Variants in DNAH14 observed in about 807,000 individuals in gnomAD.
DNAH14 encodes the protein axonemal beta dynein heavy chain 14.
A neutral mutation model predicts 520.9 loss-of-function variants in DNAH14; 478 were observed. That is an observed-to-expected ratio of 0.92 (90% confidence interval 0.85 to 0.99). DNAH14 has a LOEUF of 0.99. Ranked by LOEUF, DNAH14 falls within the 50% of genes least tolerant of loss-of-function variation. The pLI is 0.00. For missense variants in DNAH14, 4,831 were observed against 5,234.5 expected (o/e 0.92, Z 2.38); for synonymous variants, 1,581 against 1,757.2 (o/e 0.90, Z 2.51).
intron 38 of DNAH14, among the ~76,000 whole-genome samples, chr1:225,194,419 A>T (rs1185059895): frequency 6.6e-6 from 1 of 152,144 alleles, no homozygotes; most frequent in Non-Finnish European, 1.5e-5. Flanking sequence ...GTTTGAAAAA[A>T]TAAGCAGTGG....
intron 43 of DNAH14, among the ~76,000 whole-genome samples, chr1:225,247,770 T>C (rs769193842): frequency 1.3e-5 from 2 of 152,210 alleles, no homozygotes; most frequent in African/African-American, 2.4e-5. Flanking sequence ...CTCACGCCTG[T>C]AATCCCAGCA....
chr1:225,203,183 G>A (rs889997249), intron 38 of DNAH14, among the ~76,000 whole-genome samples: 1 of 152,140 alleles, frequency 6.6e-6, no homozygotes. Flanking sequence ...ATGCTTCTCT[G>A]TCCATCCAAG....
At chr1:225,328,667 C>T (rs1164719506) in intron 64 of DNAH14, among the ~76,000 whole-genome samples, 1 of 152,030 alleles carries the variant, frequency 6.6e-6, no homozygotes, top group Non-Finnish European at 1.5e-5. Flanking sequence ...CAGAACTTAT[C>T]AAATCACATG....
At chr1:225,088,794 A>G (rs1027986385) in intron 21 of DNAH14, among the ~76,000 whole-genome samples, 2 of 152,228 alleles carry the variant, frequency 1.3e-5, no homozygotes, top group African/African-American at 4.8e-5. Context: ...TATAAAATGT[A>G]AACTGGAATA....
At chr1:225,355,776 T>C (rs960209964) in intron 73 of DNAH14, among the ~76,000 whole-genome samples, 1 of 152,206 alleles carries the variant, frequency 6.6e-6, no homozygotes, top group African/African-American at 2.4e-5. Context: ...TTTTAACCCT[T>C]TAAGCATGCA....
chr1:225,256,049 G>C (rs1156621668), intron 44 of DNAH14, among the ~76,000 whole-genome samples: 2 of 152,148 alleles, frequency 1.3e-5, no homozygotes, highest in Non-Finnish European at 2.9e-5. Flanking sequence ...CAATTAAAAA[G>C]AGGAATTAGA....
chr1:225,081,799 A>G (rs1262135972), intron 19 of DNAH14, among the ~76,000 whole-genome samples: 2 of 152,156 alleles, frequency 1.3e-5, no homozygotes, highest in Admixed American at 6.5e-5. Context: ...CTTCCACTCC[A>G]TAGGTTTTGA....
intron 17 of DNAH14, among the ~76,000 whole-genome samples, chr1:225,055,868 T>C (rs2069018709): frequency 6.6e-6 from 1 of 152,162 alleles, no homozygotes; most frequent in South Asian, 2.1e-4. Flanking sequence ...CATGAACTCA[T>C]CATTTTTTAT....
At chr1:225,233,667 T>A (rs1251411021) in intron 42 of DNAH14, among the ~76,000 whole-genome samples, 1 of 152,194 alleles carries the variant, frequency 6.6e-6, no homozygotes, top group African/African-American at 2.4e-5. Context: ...CCTAACTTCC[T>A]TGTAGACTCT....
rs781256627 is a variant in DNAH14, at chr1:225,353,897, T to A, written c.11619+9T>A. On this transcript the variant is annotated intron_variant, in intron 73 of 85. Transcript: ENST00000682510. Reference sequence around the variant, plus strand: ...TTCAAAGACTTATTTTGGTAAGATATCTTATGAGGAAATATTAATATTCTA... The same window carrying A: ...TTCAAAGACTTATTTTGGTAAGATAACTTATGAGGAAATATTAATATTCTA... 7.4e-7 allele frequency: 1 copy of A among 1,359,936 alleles called. No individual in the cohort carries two copies. The highest frequency in any genetic ancestry group is 2.5e-5 in the East Asian group (1 of 39,958). 84.2% of individuals were successfully genotyped at this position (1,359,936 alleles called of 1,614,324 possible). A position where few individuals can be genotyped will look rare whatever the true frequency, so the allele number is the denominator to read the frequency against.
rs142204092 is a variant in DNAH14 at position 225,161,664 on chromosome 1, C to T, written c.5445+2179C>T. Reference sequence around the variant, plus strand: ...TGTTCCCTTTTCTCCACATCCTCACCAGCATTTGTTATTGCCTCTCTTTGG... The same window carrying T: ...TGTTCCCTTTTCTCCACATCCTCACTAGCATTTGTTATTGCCTCTCTTTGG... On this transcript the variant is annotated intron_variant, in intron 35 of 85. Transcript: ENST00000682510. Among the ~76,000 whole-genome samples the T allele has an allele frequency of 5.0e-3, 760 of 152,232 alleles. 6 individuals carry two copies. Among genetic ancestry groups the T allele is most frequent in the African/African-American group, 0.017 (717 of 41,534 alleles).
At chr1:225,194,871 T>A (rs1202954353) in intron 38 of DNAH14, among the ~76,000 whole-genome samples, 2 of 152,066 alleles carry the variant, frequency 1.3e-5, no homozygotes, top group Non-Finnish European at 2.9e-5. Flanking sequence ...CAGACACTTC[T>A]CCAAAGAAGA....
At chr1:225,027,383 G>A (rs2449315) in intron 11 of DNAH14, among the ~76,000 whole-genome samples, 120,332 of 152,042 alleles carry the variant, frequency 0.79, 48,749 homozygotes, top group Non-Finnish European at 0.89. Flanking sequence ...TGATGTGCCT[G>A]TGGGTTTTTC....
At chr1:225,012,421 A>G (rs962500168) in intron 10 of DNAH14, among the ~76,000 whole-genome samples, 1 of 151,166 alleles carries the variant, frequency 6.6e-6, no homozygotes, top group African/African-American at 2.4e-5. Context: ...TCTGATGATT[A>G]TATGTCTTGG....
At chr1:225,084,201 CCTT>C (rs1341938785) in intron 20 of DNAH14, among the ~76,000 whole-genome samples, 3 of 152,128 alleles carry the variant, frequency 2.0e-5, no homozygotes, top group African/African-American at 2.4e-5. Flanking sequence ...TAGAGGAACC[CCTT>C]CTTCTTCTTG....
Position 225,266,736 on chromosome 1 carries a change from A to AG in DNAH14, c.7508dup (p.Val2504SerfsTer3), listed in dbSNP as rs1462030572. 3.9e-6 allele frequency: 6 copies of AG among 1,527,574 alleles called. No individual in the cohort carries two copies. The Admixed American group carries it at 1.2e-4, about 30-fold the overall frequency. 94.6% of individuals were successfully genotyped at this position (1,527,574 alleles called of 1,614,324 possible). On this transcript the variant is annotated frameshift_variant, in exon 49 of 86. Transcript: ENST00000682510. LOFTEE classifies it high-confidence loss of function. ...TGATAAGACAATTGTTAGATTTGGG[A>AG]GGAGTTTATGATACTGAAAAAAATA...
intron 20 of DNAH14, among the ~76,000 whole-genome samples, chr1:225,083,172 A>G (rs1358334187): frequency 6.6e-6 from 1 of 152,136 alleles, no homozygotes; most frequent in Admixed American, 6.5e-5. Flanking sequence ...ATAAACAACT[A>G]TTTGACTTTC....
intron 66 of DNAH14, among the ~76,000 whole-genome samples, chr1:225,335,287 GCA>G (rs2094920931): frequency 7.2e-6 from 1 of 139,730 alleles, no homozygotes; most frequent in Admixed American, 7.2e-5. Context: ...GTGTGTATAT[GCA>G]CATATACACA....
intron 34 of DNAH14, 82 bp downstream of exon 34, chr1:225,153,908 C>T (rs2080768272): frequency 9.2e-7 from 1 of 1,085,350 alleles, no homozygotes; most frequent in African/African-American, 1.6e-5. Flanking sequence ...GGTGATGATG[C>T]CAAGTTAAAA....
Sources: gnomAD v4.1 joint callset for allele counts (sites outside exome capture counted in the v4.1 genomes callset) on GRCh38, gnomAD v4.1.1 for gene constraint, MANE v1.5 for transcripts, NCBI Gene and HGNC (gene_info 2026-07-23, HGNC 2026-07-21) for gene names.